EYS: variants seen among roughly 807,000 people sequenced by gnomAD.
EYS encodes protein eyes shut homolog.
Under a neutral mutation model 282.1 loss-of-function variants are expected in EYS, and 250 were observed. The observed-to-expected ratio is 0.89, with a 90% CI of 0.80 to 0.98. The LOEUF (loss-of-function observed/expected upper bound fraction) is 0.98, where lower values mean the gene tolerates loss of function less well. Among genes scored for constraint, EYS ranks in the 50% least tolerant of loss-of-function variants. The probability of loss-of-function intolerance (pLI) is 0.00; values close to 1 mark genes in which losing one functional copy is unlikely to be tolerated. For missense variants in EYS, 4,016 were observed against 3,709.0 expected, an observed-to-expected ratio of 1.08 and a Z score of -2.15; for synonymous variants, 1,355 against 1,282.9, an observed-to-expected ratio of 1.06 and a Z score of -1.20.
chr6:64,643,649 G>A (rs1018489973), intron 22 of EYS, among the ~76,000 whole-genome samples: 4 of 152,260 alleles, frequency 2.6e-5, no homozygotes, highest in East Asian at 1.9e-4. Context: ...CACATGTCAT[G>A]GGAGGGACCC....
At chr6:64,568,486 G>A (rs547948401) in intron 26 of EYS, among the ~76,000 whole-genome samples, 1 of 152,276 alleles carries the variant, frequency 6.6e-6, no homozygotes, top group Admixed American at 6.5e-5. Flanking sequence ...CCCCAGTCAG[G>A]GACTTACAGA....
At chr6:64,151,316 T>TG (rs1491104263) in intron 31 of EYS, among the ~76,000 whole-genome samples, 1 of 48,332 alleles carries the variant, frequency 2.1e-5, no homozygotes, top group Non-Finnish European at 3.7e-5. Context: ...TGTGTGTATA[T>TG]TTATATATAT....
intron 35 of EYS, among the ~76,000 whole-genome samples, chr6:63,968,147 A>T (rs551702056): frequency 6.6e-6 from 1 of 152,296 alleles, no homozygotes; most frequent in African/African-American, 2.4e-5. Flanking sequence ...TTTGTCTTCT[A>T]TATTTATATG....
intron 26 of EYS, among the ~76,000 whole-genome samples, chr6:64,526,481 T>G (rs1310755768): frequency 6.6e-6 from 1 of 151,850 alleles, no homozygotes; most frequent in Non-Finnish European, 1.5e-5. Context: ...AAATTATATA[T>G]TTTTTCCAGA....
intron 12 of EYS, among the ~76,000 whole-genome samples, chr6:65,269,307 T>C (rs1254229463): frequency 6.6e-6 from 1 of 152,176 alleles, no homozygotes; most frequent in Admixed American, 6.6e-5. Context: ...TTTAGGTATA[T>C]GTGTGTGACT....
chr6:64,699,541 G>A (rs1415725296), intron 22 of EYS, among the ~76,000 whole-genome samples: 2 of 151,966 alleles, frequency 1.3e-5, no homozygotes, highest in Non-Finnish European at 2.9e-5. Flanking sequence ...GAAATTCAAA[G>A]GATCATCAGA....
At chr6:64,272,212 G>T (rs1767965643) in intron 30 of EYS, among the ~76,000 whole-genome samples, 1 of 152,094 alleles carries the variant, frequency 6.6e-6, no homozygotes, top group Non-Finnish European at 1.5e-5. Flanking sequence ...CATACCAATG[G>T]GTCTTGACTC....
intron 2 of EYS, among the ~76,000 whole-genome samples, chr6:65,559,208 C>A (rs958530257): frequency 6.6e-6 from 1 of 151,992 alleles, no homozygotes; most frequent in Non-Finnish European, 1.5e-5. Context: ...CATGGCAAAA[C>A]CCCATTTCTG....
chr6:65,380,852 C>A (rs1368657854), intron 8 of EYS, among the ~76,000 whole-genome samples: 1 of 151,944 alleles, frequency 6.6e-6, no homozygotes, highest in African/African-American at 2.4e-5. Flanking sequence ...ATGCAGCCAG[C>A]AAACATATAA....
intron 12 of EYS, among the ~76,000 whole-genome samples, chr6:65,079,626 A>G (rs1050075579): frequency 2.0e-5 from 3 of 152,106 alleles, no homozygotes; most frequent in African/African-American, 7.2e-5. Context: ...TATTTTTAAT[A>G]TAGCTCTTTA....
chr6:64,388,210 G>T (rs1307424899), intron 29 of EYS, among the ~76,000 whole-genome samples: 2 of 152,006 alleles, frequency 1.3e-5, no homozygotes, highest in Non-Finnish European at 2.9e-5. Context: ...TATCTAAATG[G>T]AAATTTAAAG....
chr6:64,916,891 A>G (rs1385015271), intron 15 of EYS, among the ~76,000 whole-genome samples: 1 of 152,246 alleles, frequency 6.6e-6, no homozygotes, highest in Non-Finnish European at 1.5e-5. Context: ...CAAATCTTAA[A>G]TGCTGATTTA....
intron 35 of EYS, among the ~76,000 whole-genome samples, chr6:63,972,858 G>A (rs1288710414): frequency 6.6e-6 from 1 of 152,066 alleles, no homozygotes; most frequent in Non-Finnish European, 1.5e-5. Flanking sequence ...CCCTGCAAAG[G>A]ACATGAACTC....
intron 7 of EYS, among the ~76,000 whole-genome samples, chr6:65,387,779 AT>A (rs932424238): frequency 2.6e-5 from 4 of 151,986 alleles, no homozygotes; most frequent in East Asian, 1.9e-4. Context: ...CTTTTGATAC[AT>A]TTTTTTCCAG....
intron 31 of EYS, among the ~76,000 whole-genome samples, chr6:64,186,887 C>T (rs1039063492): frequency 5.3e-5 from 8 of 152,240 alleles, no homozygotes; most frequent in Non-Finnish European, 7.4e-5. Flanking sequence ...AATAAGCGAC[C>T]GCTTTCCATA....
intron 22 of EYS, among the ~76,000 whole-genome samples, chr6:64,636,320 A>G (rs1767979140): frequency 6.6e-6 from 1 of 152,234 alleles, no homozygotes; most frequent in African/African-American, 2.4e-5. Context: ...GACAAATCTG[A>G]CAAAAACAAG....
At chr6:65,166,366 T>G (rs1327857471) in intron 12 of EYS, among the ~76,000 whole-genome samples, 1 of 151,236 alleles carries the variant, frequency 6.6e-6, no homozygotes, top group East Asian at 2.0e-4. Context: ...AGACAATCTT[T>G]ACTAACATAA....
chr6:64,119,120 T>C lies in EYS; in HGVS notation c.6425-37118A>G, dbSNP rs559477175. Among the ~76,000 whole-genome samples the C allele has an allele frequency of 5.9e-5, 9 of 152,278 alleles. No individual in the cohort carries two copies. In the East Asian group the frequency reaches 1.5e-3, roughly 26 times the overall value. On this transcript the variant is annotated intron_variant, in intron 31 of 42. Coordinates refer to ENST00000503581, the MANE Select transcript of EYS (RefSeq NM_001142800.2). ...ATTTGAGTGATAGAGTTCACTTTTA[T>C]GTTACTGAACTGGTTTCCATAATCA...
chr6:65,157,512 TAAA>T (rs972219011), intron 12 of EYS, among the ~76,000 whole-genome samples: 4 of 150,722 alleles, frequency 2.7e-5, no homozygotes, highest in Non-Finnish European at 4.5e-5. Flanking sequence ...AATTCAAACA[TAAA>T]AAGATATTTG....
Sources: gnomAD v4.1 joint callset for allele counts (sites outside exome capture counted in the v4.1 genomes callset) on GRCh38, gnomAD v4.1.1 for gene constraint, MANE v1.5 for transcripts, NCBI Gene and HGNC (gene_info 2026-07-23, HGNC 2026-07-21) for gene names.